Variants in FGGY observed in about 807,000 individuals in gnomAD.
FGGY encodes FGGY carbohydrate kinase domain-containing protein.
In FGGY, 72 loss-of-function variants were observed where a neutral mutation model predicts 71.3. The observed-to-expected ratio is 1.01, with a 90% CI of 0.84 to 1.23. The LOEUF (loss-of-function observed/expected upper bound fraction) is 1.23, where lower values mean the gene tolerates loss of function less well. Ranked by LOEUF, FGGY falls within the 50% of genes most tolerant of loss-of-function variation. The pLI, the probability that FGGY is intolerant of heterozygous loss-of-function variation, is 0.00. For missense variants in FGGY, 668 were observed against 682.3 expected, an observed-to-expected ratio of 0.98 and a Z score of 0.23; for synonymous variants, 251 against 250.3, an observed-to-expected ratio of 1.00 and a Z score of -0.02.
intron 14 of FGGY, among the ~76,000 whole-genome samples, chr1:59,743,904 T>C (rs1401443365): frequency 6.6e-6 from 1 of 152,232 alleles, no homozygotes; most frequent in East Asian, 1.9e-4. Context: ...CAATGTTGAA[T>C]GGTCCCTGCA....
chr1:59,401,245 A>G (rs1057026193), intron 5 of FGGY, among the ~76,000 whole-genome samples: 3 of 152,198 alleles, frequency 2.0e-5, no homozygotes, highest in Admixed American at 6.5e-5. Flanking sequence ...ATATTCAACT[A>G]AGGGATGCAT....
intron 9 of FGGY, among the ~76,000 whole-genome samples, chr1:59,611,229 G>T (rs751140600): frequency 6.6e-6 from 1 of 152,200 alleles, no homozygotes; most frequent in African/African-American, 2.4e-5. Context: ...GTGGGACCCT[G>T]ACCCCCTCAG....
chr1:59,409,672 C>T (rs969620345), intron 5 of FGGY, among the ~76,000 whole-genome samples: 1 of 150,984 alleles, frequency 6.6e-6, no homozygotes, highest in South Asian at 2.1e-4. Context: ...AACTTAAGGC[C>T]TAAGTAGGGT....
chr1:59,620,792 G>A (rs1354736384), intron 9 of FGGY, among the ~76,000 whole-genome samples: 3 of 151,988 alleles, frequency 2.0e-5, no homozygotes, highest in East Asian at 3.9e-4. Context: ...CTTCAACTGT[G>A]TAGTTCTACT....
At chr1:59,540,170 A>C (rs75821563) in intron 7 of FGGY, among the ~76,000 whole-genome samples, 329 of 152,370 alleles carry the variant, frequency 2.2e-3, no homozygotes, top group African/African-American at 7.6e-3. Context: ...TGATGTGGAA[A>C]TATGACCACA....
intron 8 of FGGY, among the ~76,000 whole-genome samples, chr1:59,572,390 G>A (rs903288116): frequency 6.6e-6 from 1 of 152,170 alleles, no homozygotes; most frequent in Non-Finnish European, 1.5e-5. Flanking sequence ...AGAGAAGAAT[G>A]CTACAAGTAA....
intron 6 of FGGY, among the ~76,000 whole-genome samples, chr1:59,499,299 G>GTTTTTTTTTT (rs58170089): frequency 0.017 from 1,810 of 105,566 alleles, 248 homozygotes; most frequent in African/African-American, 0.066. Flanking sequence ...TACTATGTTT[G>GTTTTTTTTTT]TTTTTTTTTT....
chr1:59,383,699 C>T (rs1370630223), intron 5 of FGGY, among the ~76,000 whole-genome samples: 1 of 152,188 alleles, frequency 6.6e-6, no homozygotes, highest in Non-Finnish European at 1.5e-5. Flanking sequence ...GTCTCCACAA[C>T]TCCTTATCCT....
chr1:59,531,350 T>C (rs558896192), intron 7 of FGGY, among the ~76,000 whole-genome samples: 1 of 152,360 alleles, frequency 6.6e-6, no homozygotes, highest in Non-Finnish European at 1.5e-5. Flanking sequence ...ACAAATAGAA[T>C]GTATTTAATT....
intron 8 of FGGY, among the ~76,000 whole-genome samples, chr1:59,554,944 G>A (rs187108968): frequency 8.4e-4 from 128 of 152,302 alleles, no homozygotes; most frequent in Non-Finnish European, 1.4e-3. Context: ...AGGGCAGAGT[G>A]GGGGAGGAGC....
intron 10 of FGGY, among the ~76,000 whole-genome samples, chr1:59,631,496 T>C (rs1237094683): frequency 2.0e-5 from 3 of 152,236 alleles, no homozygotes; most frequent in Non-Finnish European, 4.4e-5. Flanking sequence ...GGACCCTTTA[T>C]GCTTCCGGTC....
At chr1:59,469,594 A>AT (rs553840936) in intron 6 of FGGY, among the ~76,000 whole-genome samples, 336 of 151,404 alleles carry the variant, frequency 2.2e-3, no homozygotes, top group Non-Finnish European at 3.1e-3. Context: ...TTTTATTCAT[A>AT]TTTTTTTTTA....
chr1:59,349,561 T>TA lies in FGGY; in HGVS notation c.465+3166dup, dbSNP rs147048773. ...CTAAATAAATCCCATAGGAAATAGT[T>TA]AAAGTCTAGATTACATGGCAGTGTT... is the stretch of plus-strand genomic sequence containing the variant. On this transcript the variant is annotated intron_variant, in intron 4 of 15. Coordinates refer to ENST00000303721, the MANE Select transcript of FGGY (RefSeq NM_018291.5). Among the ~76,000 whole-genome samples the TA allele has an allele frequency of 5.1e-4, 78 of 152,264 alleles. 1 individual carries two copies. The East Asian group carries it at 0.013, about 26-fold the overall frequency.
At chr1:59,328,319 G>A (rs2047799649) in intron 2 of FGGY, among the ~76,000 whole-genome samples, 1 of 152,216 alleles carries the variant, frequency 6.6e-6, no homozygotes, top group Non-Finnish European at 1.5e-5. Flanking sequence ...TTCACCTTGT[G>A]TTTTTATATT....
chr1:59,451,450 T>G (rs2072697103), intron 5 of FGGY, among the ~76,000 whole-genome samples: 1 of 151,758 alleles, frequency 6.6e-6, no homozygotes. Flanking sequence ...CCTGCTTACA[T>G]TATTATTATC....
intron 4 of FGGY, among the ~76,000 whole-genome samples, chr1:59,351,064 A>G (rs888988116): frequency 6.6e-6 from 1 of 152,246 alleles, no homozygotes; most frequent in African/African-American, 2.4e-5. Flanking sequence ...AATCAAAAGG[A>G]TGATATTTTG....
At chr1:59,545,356 AT>A (rs528065833) in intron 7 of FGGY, among the ~76,000 whole-genome samples, 1 of 151,514 alleles carries the variant, frequency 6.6e-6, no homozygotes, top group African/African-American at 2.4e-5. Flanking sequence ...AGTTCTCTTA[AT>A]TTTTTTTTCT....
intron 6 of FGGY, among the ~76,000 whole-genome samples, chr1:59,460,775 C>G (rs765336737): frequency 6.6e-6 from 1 of 152,146 alleles, no homozygotes; most frequent in African/African-American, 2.4e-5. Context: ...CTGGTAATAC[C>G]CAGGCAAACT....
At chr1:59,550,875 A>G (rs2095598242) in intron 7 of FGGY, among the ~76,000 whole-genome samples, 3 of 152,192 alleles carry the variant, frequency 2.0e-5, no homozygotes, top group Admixed American at 6.5e-5. Context: ...TCTTAAATCC[A>G]TGTGGCCTTG....
Sources: allele counts gnomAD v4.1 joint callset (sites outside exome capture counted in the v4.1 genomes callset), GRCh38; gene constraint gnomAD v4.1.1; transcripts MANE v1.5; gene names NCBI Gene and HGNC (gene_info 2026-07-23, HGNC 2026-07-21).